FAM240B: variants seen among roughly 807,000 people sequenced by gnomAD.
FAM240B encodes the protein family with sequence similarity 240 member B, also known as protein FAM240B.
chr9:38,701,866 A>C (rs985877079), intron 2 of FAM240B, among the ~76,000 whole-genome samples: 2 of 152,048 alleles, frequency 1.3e-5, no homozygotes, highest in Admixed American at 1.3e-4. Flanking sequence ...TTACTTAAAA[A>C]TGGCACAGGA....
intron 1 of FAM240B, among the ~76,000 whole-genome samples, chr9:38,713,217 G>A (rs1031531693): frequency 2.0e-5 from 3 of 152,222 alleles, no homozygotes; most frequent in Admixed American, 6.5e-5. Flanking sequence ...AGTGGCTCAC[G>A]CCTGTAATCC....
At position 38,694,549 on chromosome 9, in the gene FAM240B, A is replaced by G. The variant is rs1304676043; in HGVS notation, c.*227T>C. 1 of 376,884 alleles carries G rather than the reference A, an allele frequency of 2.7e-6. No individual in the cohort carries two copies. The highest frequency in any genetic ancestry group is 4.7e-6 in the Non-Finnish European group (1 of 213,022). The allele number at this position is 376,884 out of a possible 1,614,324, so 23.3% of individuals were successfully genotyped here. A position where few individuals can be genotyped will look rare whatever the true frequency, so the allele number is the denominator to read the frequency against. ...CAAGAGCTCTTTTATTAAATAGCCC[A>G]AGCGTCCTATCCCACTTGCGGTCAT... On this transcript the variant is annotated 3_prime_UTR_variant, in exon 3 of 3. Coordinates refer to ENST00000637493, the MANE Select transcript of FAM240B (RefSeq NM_001394922.1).
At chr9:38,705,905 A>C (rs912027868) in intron 1 of FAM240B, among the ~76,000 whole-genome samples, 2 of 152,008 alleles carry the variant, frequency 1.3e-5, no homozygotes, top group Non-Finnish European at 2.9e-5. Context: ...GCTGCCCTAG[A>C]CTACATGCTG....
chr9:38,702,074 G>A (rs1282102586), intron 2 of FAM240B, among the ~76,000 whole-genome samples: 1 of 152,206 alleles, frequency 6.6e-6, no homozygotes, highest in Non-Finnish European at 1.5e-5. Context: ...TGGAAGGGAA[G>A]ATACAGCACA....
intron 1 of FAM240B, among the ~76,000 whole-genome samples, chr9:38,713,350 C>T (rs562204865): frequency 1.3e-5 from 2 of 151,800 alleles, no homozygotes; most frequent in African/African-American, 2.4e-5. Flanking sequence ...TGGTGGCGAG[C>T]GCCTGTAGTC....
At chr9:38,695,934 A>T (rs746492140) in intron 2 of FAM240B, among the ~76,000 whole-genome samples, 1 of 152,244 alleles carries the variant, frequency 6.6e-6, no homozygotes, top group Non-Finnish European at 1.5e-5. Flanking sequence ...AGGCTACTCA[A>T]TGGAGGATGG....
chr9:38,717,416 TA>T (rs748888564), intron 1 of FAM240B, among the ~76,000 whole-genome samples: 5 of 151,892 alleles, frequency 3.3e-5, no homozygotes, highest in Admixed American at 6.6e-5. Context: ...CCGTCTCTAC[TA>T]AAAAATACTC....
chr9:38,709,032 G>T (rs891277302), intron 1 of FAM240B, among the ~76,000 whole-genome samples: 1 of 152,042 alleles, frequency 6.6e-6, no homozygotes, highest in African/African-American at 2.4e-5. Flanking sequence ...TGTTATATTT[G>T]TGGGCTCTCT....
intron 1 of FAM240B, among the ~76,000 whole-genome samples, chr9:38,710,620 T>C (rs547920385): frequency 7.9e-5 from 12 of 152,150 alleles, no homozygotes; most frequent in Non-Finnish European, 1.5e-4. Context: ...TTTTGGCCAA[T>C]GAAACTCAGC....
intron 1 of FAM240B, among the ~76,000 whole-genome samples, chr9:38,717,846 G>C (rs1821326638): frequency 6.6e-6 from 1 of 152,182 alleles, no homozygotes; most frequent in Non-Finnish European, 1.5e-5. Flanking sequence ...TTAAAAATGT[G>C]AACGTCGTTT....
intron 1 of FAM240B, among the ~76,000 whole-genome samples, chr9:38,719,241 TC>T (rs202207830): frequency 1.2e-4 from 18 of 151,038 alleles, no homozygotes; most frequent in Middle Eastern, 3.4e-3. Flanking sequence ...TTTCTCTGCA[TC>T]CCCCCCCACC....
intron 2 of FAM240B, among the ~76,000 whole-genome samples, chr9:38,699,603 C>T (rs1008943835): frequency 6.6e-6 from 1 of 152,132 alleles, no homozygotes; most frequent in South Asian, 2.1e-4. Context: ...GCAGGAATTG[C>T]CTGGAACTAG....
At chr9:38,707,216 CTCT>C (rs1171136796) in intron 1 of FAM240B, among the ~76,000 whole-genome samples, 3 of 151,982 alleles carry the variant, frequency 2.0e-5, no homozygotes, top group Non-Finnish European at 2.9e-5. Flanking sequence ...CATTGAAATG[CTCT>C]TCTTTTCTCA....
At chr9:38,718,109 T>C (rs75756244) in intron 1 of FAM240B, among the ~76,000 whole-genome samples, 2,155 of 152,340 alleles carry the variant, frequency 0.014, 45 homozygotes, top group African/African-American at 0.05. Context: ...TATTTGCTTG[T>C]CAGCATACAT....
chr9:38,698,817 C>T (rs2118998964), intron 2 of FAM240B, among the ~76,000 whole-genome samples: 1 of 152,346 alleles, frequency 6.6e-6, no homozygotes, highest in South Asian at 2.1e-4. Flanking sequence ...AGGCCTCCAT[C>T]TATCCAAATG....
At chr9:38,707,552 A>C (rs535723419) in intron 1 of FAM240B, among the ~76,000 whole-genome samples, 3 of 150,858 alleles carry the variant, frequency 2.0e-5, no homozygotes, top group Non-Finnish European at 4.4e-5. Context: ...GCGGATCACG[A>C]GGTCAAGAGA....
chr9:38,697,332 C>A (rs1051795304), intron 2 of FAM240B, among the ~76,000 whole-genome samples: 1 of 152,168 alleles, frequency 6.6e-6, no homozygotes, highest in Non-Finnish European at 1.5e-5. Context: ...AATGCAGGCC[C>A]GTCCCAGCAA....
At chr9:38,709,994 G>A (rs926085638) in intron 1 of FAM240B, among the ~76,000 whole-genome samples, 5 of 152,226 alleles carry the variant, frequency 3.3e-5, no homozygotes, top group Admixed American at 3.3e-4. Flanking sequence ...TTGTTGAGAC[G>A]GAGTCTTGCT....
intron 1 of FAM240B, among the ~76,000 whole-genome samples, chr9:38,716,155 T>C (rs1821300930): frequency 6.6e-6 from 1 of 152,146 alleles, no homozygotes; most frequent in South Asian, 2.1e-4. Flanking sequence ...CCTTAACTAC[T>C]GTGGGGCAAG....
Sources: allele counts gnomAD v4.1 joint callset (sites outside exome capture counted in the v4.1 genomes callset), GRCh38; gene constraint gnomAD v4.1.1; transcripts MANE v1.5; gene names NCBI Gene and HGNC (gene_info 2026-07-23, HGNC 2026-07-21).